PRICKLE4: variants seen among roughly 807,000 people sequenced by gnomAD.
The protein encoded by PRICKLE4 is prickle-like protein 4.
Under a neutral mutation model 43.5 loss-of-function variants are expected in PRICKLE4, and 40 were observed. That is an observed-to-expected ratio of 0.92 (90% CI 0.71 to 1.20). The LOEUF is 1.20. PRICKLE4 is among the 50% of genes most tolerant of loss of function. The pLI, the probability that PRICKLE4 is intolerant of heterozygous loss-of-function variation, is 0.00. For missense variants in PRICKLE4, 527 were observed against 491.2 expected (o/e 1.07, Z -0.69); for synonymous variants, 208 against 197.4 (o/e 1.05, Z -0.45).
intron 2 of PRICKLE4, among the ~76,000 whole-genome samples, chr6:41,782,851 C>T (rs1480356466): frequency 2.0e-5 from 3 of 152,066 alleles, no homozygotes; most frequent in Non-Finnish European, 2.9e-5. Context: ...GATTAGGAGC[C>T]GAGAGAGATG....
Position 41,786,885 on chromosome 6 carries a change from G to C in PRICKLE4, c.911G>C (p.Gly304Ala). 2 of 1,609,452 alleles carry C rather than the reference G, an allele frequency of 1.2e-6. No homozygotes were observed. The highest frequency in any genetic ancestry group is 1.1e-5 in the South Asian group (1 of 90,690). ...SSLQTQRGLP[G>A]SSPQQENRPG... is the part of the protein sequence containing the mutation. The stretch of plus-strand genomic sequence containing the variant: ...CTGCAAACTCAGAGGGGGCTGCCTG[G>C]ATCCAGTCCCCAGCAGGAGAACCGA... The change falls in exon 8 of 8, where the codon GGA (glycine) becomes GCA (alanine). Residue 304 changes from glycine (G) to alanine (A), a missense_variant. Transcript: ENST00000458694.
At chr6:41,782,884 T>C (rs946311706) in intron 2 of PRICKLE4, among the ~76,000 whole-genome samples, 5 of 152,140 alleles carry the variant, frequency 3.3e-5, no homozygotes, top group Admixed American at 3.3e-4. Context: ...AGAAAAACAT[T>C]AGGTGCTAAA....
At chr6:41,786,081 A>G (rs1772638462) in intron 6 of PRICKLE4, 47 bp from the exon 7 acceptor site, 2 of 1,559,566 alleles carry the variant, frequency 1.3e-6, no homozygotes, top group Non-Finnish European at 1.8e-6. Context: ...TGAATGAATG[A>G]GGGAATGAAT....
chr6:41,783,855 C>T (rs1369126800), intron 3 of PRICKLE4: 2 of 754,814 alleles, frequency 2.6e-6, no homozygotes, highest in Admixed American at 4.0e-5. Context: ...GGCTTTGGCC[C>T]CAAGGCGTGA....
chr6:41,785,099 C>T (rs1772619404), intron 5 of PRICKLE4, 27 bp downstream of exon 5: 3 of 1,612,070 alleles, frequency 1.9e-6, no homozygotes, highest in Admixed American at 3.4e-5. Flanking sequence ...CCCCCAAATT[C>T]CCCTTCCTCT....
At position 41,786,914 on chromosome 6, in the gene PRICKLE4, G is replaced by A. The variant is rs879085906; in HGVS notation, c.940G>A (p.Gly314Arg). ...CAGTCCCCAGCAGGAGAACCGACCTGGGGACAAAGCGGAGGCACCCAAAGG... is the reference window on the plus strand; with the variant it reads ...CAGTCCCCAGCAGGAGAACCGACCTAGGGACAAAGCGGAGGCACCCAAAGG... ...GSSPQQENRP[G>R]DKAEAPKGQE... The change falls in exon 8 of 8, where the codon GGG (glycine) becomes AGG (arginine). Residue 314 changes from glycine to arginine, a missense_variant. Coordinates refer to ENST00000458694, the MANE Select transcript of PRICKLE4 (RefSeq NM_013397.6). The A allele has an allele frequency of 1.2e-6, 2 of 1,613,400 alleles. No individual in the cohort carries two copies. Among genetic ancestry groups the A allele is most frequent in the Non-Finnish European group, 8.5e-7 (1 of 1,179,566 alleles).
Position 41,783,575 on chromosome 6 carries a change from G to T in PRICKLE4, c.102G>T (p.Pro34=). 1 of 1,613,536 alleles carries T rather than the reference G, an allele frequency of 6.2e-7. No individual in the cohort carries two copies. Among genetic ancestry groups the T allele is most frequent in the Non-Finnish European group, 8.5e-7 (1 of 1,179,786 alleles). ...CAGACAGTGACTCAGGCCACCTGCC[G>T]GGGGAGGACCCTGAGGATACCCATG... ...ANSDSDSGHL[P]GEDPEDTHAQ... Residue 34 remains proline, a synonymous_variant, in exon 3 of 8, where the codon CCG becomes CCT. Coordinates refer to ENST00000458694, the MANE Select transcript of PRICKLE4 (RefSeq NM_013397.6).
At position 41,784,245 on chromosome 6, in the gene PRICKLE4, C is replaced by T; in HGVS notation, c.240+7C>T. The T allele has an allele frequency of 1.3e-6, 2 of 1,580,898 alleles. No individual in the cohort carries two copies. The highest frequency in any genetic ancestry group is 1.7e-6 in the Non-Finnish European group (2 of 1,157,890). On this transcript the variant is annotated splice_region_variant and intron_variant, in intron 4 of 7. Transcript: ENST00000458694. Reference sequence around the variant, plus strand: ...CCCTCCGCAGGACATTGATGTGGGTCTCCTCTCCCCATCTTCCCTCTCTTG... The same window carrying T: ...CCCTCCGCAGGACATTGATGTGGGTTTCCTCTCCCCATCTTCCCTCTCTTG...
At chr6:41,782,067 C>CTTT (rs557402339) in intron 2 of PRICKLE4, among the ~76,000 whole-genome samples, 13 of 122,222 alleles carry the variant, frequency 1.1e-4, no homozygotes, top group Admixed American at 1.8e-4. Flanking sequence ...TTAATAGTCG[C>CTTT]TTTTTTTTTT....
rs749419586 is a variant in PRICKLE4, at chr6:41,786,794, G to C, written c.820G>C (p.Asp274His). 16 of 1,610,798 alleles carry C rather than the reference G, an allele frequency of 9.9e-6. No homozygotes were observed. Among genetic ancestry groups the C allele is most frequent in the Non-Finnish European group, 1.7e-6 (2 of 1,178,742 alleles). Residue 274 changes from aspartate (D) to histidine (H), a missense_variant, in exon 8 of 8, where the codon GAC becomes CAC. Coordinates refer to ENST00000458694, the MANE Select transcript of PRICKLE4 (RefSeq NM_013397.6). ...TGGACTCGACCGAACTGAAGGAAGG[G>C]ACCAAACCTCGGTGAACTCTGCAAC... is the stretch of plus-strand genomic sequence containing the variant. Reference protein sequence around the residue: ...ETGLDRTEGRDQTSVNSATLS... With the variant: ...ETGLDRTEGRHQTSVNSATLS...
At position 41,787,340 on chromosome 6, in the gene PRICKLE4, C is replaced by A. The variant is rs527344681; in HGVS notation, c.*211C>A. On this transcript the variant is annotated 3_prime_UTR_variant, in exon 8 of 8. Coordinates refer to ENST00000458694, the MANE Select transcript of PRICKLE4 (RefSeq NM_013397.6). The stretch of plus-strand genomic sequence containing the variant: ...GACTTTCTTGGCAAAACCCATTCCC[C>A]AAAGCTACGCTTCCCCTGCTGAGAT... 4.9e-5 allele frequency: 36 copies of A among 732,576 alleles called. 2 individuals are homozygous for A. The South Asian group carries it at 7.4e-4, about 15-fold the overall frequency. 45.4% of individuals were successfully genotyped at this position (732,576 alleles called of 1,614,324 possible).
chr6:41,786,413 C>T, intron 7 of PRICKLE4, 81 bp downstream of exon 7: 1 of 1,426,382 alleles, frequency 7.0e-7, no homozygotes, highest in Non-Finnish European at 9.5e-7. Context: ...ACCCTCGCCC[C>T]GGTCCCACGC....
intron 2 of PRICKLE4, 31 bp from the exon 3 acceptor site, chr6:41,783,431 A>G (rs1227857007): frequency 1.4e-6 from 2 of 1,453,660 alleles, no homozygotes; most frequent in Non-Finnish European, 1.9e-6. Flanking sequence ...ACGGCCTAAT[A>G]CATGGAGGTG....
chr6:41,784,307 G>A, intron 4 of PRICKLE4, 69 bp downstream of exon 4: 2 of 1,282,864 alleles, frequency 1.6e-6, no homozygotes, highest in Non-Finnish European at 2.2e-6. Flanking sequence ...ACTGTGGGAA[G>A]AACCTCAGTC....
chr6:41,783,767 G>A (rs1456631203), intron 3 of PRICKLE4, 162 bp downstream of exon 3: 2 of 1,025,154 alleles, frequency 2.0e-6, no homozygotes, highest in African/African-American at 1.6e-5. Flanking sequence ...TAGAACATGG[G>A]GTTTTGACTT....
Position 41,785,456 on chromosome 6 carries a change from C to T in PRICKLE4, c.498C>T (p.Leu166=), listed in dbSNP as rs1772626053. The change falls in exon 6 of 8, where the codon CTC becomes CTT. Residue 166 remains leucine (L), a synonymous_variant. Coordinates refer to ENST00000458694, the MANE Select transcript of PRICKLE4 (RefSeq NM_013397.6). ...CCTGTGGCCAGGCCCTGATAAACCTCATCTACTTCTACCATGATGGACAAC... is the reference window on the plus strand; with the variant it reads ...CCTGTGGCCAGGCCCTGATAAACCTTATCTACTTCTACCATGATGGACAAC... ...CQACGQALIN[L]IYFYHDGQLY... is the part of the protein sequence containing the mutation. 6.2e-7 allele frequency: 1 copy of T among 1,614,018 alleles called. No individual in the cohort carries two copies. Among genetic ancestry groups the T allele is most frequent in the African/African-American group, 1.3e-5 (1 of 74,948 alleles).
rs1260940071 is a variant in PRICKLE4 at position 41,786,867 on chromosome 6, C to T, written c.893C>T (p.Thr298Ile). ...LAAAGGSSLQ[T>I]QRGLPGSSPQ... ...GCTGCCGGCGGTTCCAGCCTGCAAACTCAGAGGGGGCTGCCTGGATCCAGT... is the reference window on the plus strand; with the variant it reads ...GCTGCCGGCGGTTCCAGCCTGCAAATTCAGAGGGGGCTGCCTGGATCCAGT... The change falls in exon 8 of 8, where the codon ACT (threonine) becomes ATT (isoleucine). Residue 298 changes from threonine (T) to isoleucine (I), a missense_variant. By Grantham distance (89) the Thr-to-Ile change is moderately conservative. Coordinates refer to ENST00000458694, the MANE Select transcript of PRICKLE4 (RefSeq NM_013397.6). 5.6e-6 allele frequency: 9 copies of T among 1,605,174 alleles called. No individual in the cohort carries two copies. The highest frequency in any genetic ancestry group is 3.4e-5 in the Admixed American group (2 of 59,482).
At chr6:41,784,284 C>T in intron 4 of PRICKLE4, 46 bp downstream of exon 4, 1 of 1,426,700 alleles carries the variant, frequency 7.0e-7, no homozygotes, top group Non-Finnish European at 9.7e-7. Flanking sequence ...TTCCCTCCCT[C>T]ATCTCTTTTC....
intron 2 of PRICKLE4, 124 bp from the exon 3 acceptor site, chr6:41,783,338 A>G (rs1259742691): frequency 9.9e-7 from 1 of 1,013,604 alleles, no homozygotes; most frequent in Non-Finnish European, 1.4e-6. Flanking sequence ...AGATGGGGAT[A>G]ATGCTACCTA....
Sources: allele counts gnomAD v4.1 joint callset (sites outside exome capture counted in the v4.1 genomes callset), GRCh38; gene constraint gnomAD v4.1.1; transcripts MANE v1.5; gene names NCBI Gene and HGNC (gene_info 2026-07-23, HGNC 2026-07-21).